Variants in PTPRT observed in about 807,000 individuals in gnomAD.
PTPRT encodes the protein protein tyrosine phosphatase receptor type T.
A neutral mutation model predicts 176.8 loss-of-function variants in PTPRT; 56 were observed. The observed-to-expected ratio is 0.32, with a 90% CI of 0.26 to 0.40. The LOEUF is 0.40. Among genes scored for constraint, PTPRT ranks in the 10% least tolerant of loss-of-function variants. The pLI, the probability that PTPRT is intolerant of heterozygous loss-of-function variation, is 1.00. For missense variants in PTPRT, 1,540 were observed against 1,908.2 expected (o/e 0.81, Z 3.60); for synonymous variants, 783 against 739.0 (o/e 1.06, Z -0.96).
chr20:42,647,740 C>T lies in PTPRT; in HGVS notation c.1153+30126G>A, dbSNP rs1600543737. Among the ~76,000 whole-genome samples the T allele has an allele frequency of 3.3e-5, 5 of 152,182 alleles. No homozygotes were observed. In the South Asian group the frequency reaches 1.0e-3, roughly 32 times the overall value. On this transcript the variant is annotated intron_variant, in intron 7 of 30. Transcript: ENST00000373187. ...GTCTGCATCTTCAGAAACCCGCTAA[C>T]AGGGACAGCGTCTGTGATACCGGCT...
chr20:42,048,899 G>A, the PTPRT span, among the ~76,000 whole-genome samples: 4 of 152,138 alleles, frequency 2.6e-5, no homozygotes, highest in Non-Finnish European at 5.9e-5. Context: ...TCGGCTCACT[G>A]CAACCTCTGC....
chr20:42,828,275 G>T (rs6124497), intron 2 of PTPRT, among the ~76,000 whole-genome samples: 15,703 of 152,228 alleles, frequency 0.1, 1,060 homozygotes, highest in East Asian at 0.34. Context: ...TTTTGCCCCT[G>T]CCCTAGAGAT....
intron 7 of PTPRT, among the ~76,000 whole-genome samples, chr20:42,631,797 A>C (rs1024656377): frequency 1.3e-5 from 2 of 152,188 alleles, no homozygotes; most frequent in Admixed American, 1.3e-4. Flanking sequence ...AAGCTTGTGC[A>C]AGGTTAACCC....
At chr20:42,372,432 C>A (rs886775138) in intron 9 of PTPRT, among the ~76,000 whole-genome samples, 7 of 151,850 alleles carry the variant, frequency 4.6e-5, no homozygotes, top group Non-Finnish European at 1.0e-4. Context: ...TATAGGCATG[C>A]ACCACCATGC....
chr20:42,378,648 T>A (rs1162777799), intron 9 of PTPRT, among the ~76,000 whole-genome samples: 1 of 152,160 alleles, frequency 6.6e-6, no homozygotes, highest in Non-Finnish European at 1.5e-5. Flanking sequence ...TTTCTTAAGA[T>A]CACTGGAGGC....
intron 16 of PTPRT, among the ~76,000 whole-genome samples, chr20:42,168,086 T>C (rs113443585): frequency 0.014 from 2,188 of 152,094 alleles, 45 homozygotes; most frequent in African/African-American, 0.051. Flanking sequence ...GAAGAGAAAA[T>C]ATATTTACTA....
intron 16 of PTPRT, among the ~76,000 whole-genome samples, chr20:42,176,419 C>T (rs1990294164): frequency 6.6e-6 from 1 of 152,190 alleles, no homozygotes; most frequent in South Asian, 2.1e-4. Context: ...AGATCCGAAG[C>T]TCTTCTCTCA....
chr20:42,089,864 G>T (rs1041630491), intron 27 of PTPRT, among the ~76,000 whole-genome samples: 1 of 152,172 alleles, frequency 6.6e-6, no homozygotes, highest in Non-Finnish European at 1.5e-5. Flanking sequence ...CTGACCCTTT[G>T]GGGCTCAGAA....
chr20:42,293,237 C>G (rs2057343656), intron 12 of PTPRT, among the ~76,000 whole-genome samples: 1 of 152,148 alleles, frequency 6.6e-6, no homozygotes, highest in Non-Finnish European at 1.5e-5. Context: ...GACTCCATTG[C>G]CTCAACTCTC....
chr20:42,765,285 T>C (rs1391674595), intron 5 of PTPRT, among the ~76,000 whole-genome samples: 1 of 152,146 alleles, frequency 6.6e-6, no homozygotes, highest in Non-Finnish European at 1.5e-5. Context: ...CTGGAGTCCC[T>C]GAGTAATTCA....
intron 17 of PTPRT, among the ~76,000 whole-genome samples, chr20:42,154,073 T>C (rs1383207467): frequency 1.3e-5 from 2 of 152,168 alleles, no homozygotes; most frequent in Non-Finnish European, 2.9e-5. Flanking sequence ...ATTCCTGTTT[T>C]GGTCATTATG....
chr20:42,400,499 G>C (rs904295474), intron 9 of PTPRT, among the ~76,000 whole-genome samples: 13 of 151,980 alleles, frequency 8.6e-5, no homozygotes, highest in African/African-American at 3.1e-4. Context: ...TGCGAAACTG[G>C]GGAGTCCAGG....
At chr20:42,988,070 C>A (rs1394071455) in intron 1 of PTPRT, among the ~76,000 whole-genome samples, 3 of 152,200 alleles carry the variant, frequency 2.0e-5, no homozygotes, top group African/African-American at 7.2e-5. Context: ...ACTGATCACA[C>A]ACATCAGCCC....
chr20:42,746,384 G>A (rs2076691258), intron 6 of PTPRT, among the ~76,000 whole-genome samples: 1 of 152,138 alleles, frequency 6.6e-6, no homozygotes, highest in South Asian at 2.1e-4. Flanking sequence ...TGGGGAACCG[G>A]GCACCCATGA....
intron 15 of PTPRT, among the ~76,000 whole-genome samples, chr20:42,200,850 A>G (rs1991420376): frequency 6.6e-6 from 1 of 152,166 alleles, no homozygotes. Flanking sequence ...TTCAAATTCA[A>G]TTTTGGTCAT....
intron 3 of PTPRT, among the ~76,000 whole-genome samples, chr20:42,786,106 T>G (rs558887715): frequency 6.6e-6 from 1 of 152,186 alleles, no homozygotes; most frequent in African/African-American, 2.4e-5. Context: ...CCTTCCACCA[T>G]GTAAGATGTG....
chr20:43,000,196 C>T (rs1320937967), intron 1 of PTPRT, among the ~76,000 whole-genome samples: 1 of 151,970 alleles, frequency 6.6e-6, no homozygotes, highest in African/African-American at 2.4e-5. Context: ...TAACTCAAAA[C>T]AGAATATAAA....
chr20:43,074,672 G>T (rs998833250), intron 1 of PTPRT, among the ~76,000 whole-genome samples: 1 of 152,198 alleles, frequency 6.6e-6, no homozygotes, highest in Non-Finnish European at 1.5e-5. Context: ...CCTTAATGAA[G>T]TCACTCTTGG....
chr20:42,196,359 A>G (rs1212193659), intron 16 of PTPRT, among the ~76,000 whole-genome samples: 1 of 152,174 alleles, frequency 6.6e-6, no homozygotes, highest in Non-Finnish European at 1.5e-5. Context: ...ATTAATTGAC[A>G]CTAATTATAT....
Sources: allele counts gnomAD v4.1 joint callset (sites outside exome capture counted in the v4.1 genomes callset), GRCh38; gene constraint gnomAD v4.1.1; transcripts MANE v1.5; gene names NCBI Gene and HGNC (gene_info 2026-07-23, HGNC 2026-07-21).